FAM117A: variants seen among roughly 807,000 people sequenced by gnomAD.
The protein encoded by FAM117A is family with sequence similarity 117 member A.
Under a neutral mutation model 44.1 loss-of-function variants are expected in FAM117A, and 21 were observed. The ratio of observed to expected loss-of-function variants is 0.48; its 90% CI spans 0.34 to 0.69. The LOEUF is 0.69. Among genes scored for constraint, FAM117A ranks in the 30% least tolerant of loss-of-function variants. The pLI is 0.01. For synonymous variants in FAM117A, 220 were observed against 238.3 expected (o/e 0.92, Z 0.71); for missense variants, 498 against 589.9 (o/e 0.84, Z 1.61).
intron 5 of FAM117A, among the ~76,000 whole-genome samples, chr17:49,719,223 T>C (rs985406435): frequency 4.0e-5 from 6 of 151,050 alleles, no homozygotes; most frequent in Non-Finnish European, 5.9e-5. Context: ...ATCGCGCCAC[T>C]GCACCCCAGC....
chr17:49,716,388 G>T, intron 6 of FAM117A, 73 bp from the exon 7 acceptor site: 1 of 1,352,326 alleles, frequency 7.4e-7, no homozygotes, highest in Non-Finnish European at 9.9e-7. Context: ...CAGGACTGAG[G>T]TGTAAAGTGG....
chr17:49,764,307 G>T (rs931930169), upstream of FAM117A: 1 of 309,918 alleles, frequency 3.2e-6, no homozygotes, highest in Non-Finnish European at 5.9e-6. Context: ...TCCAAGCCAA[G>T]ACCCCACCCT....
At position 49,719,874 on chromosome 17, in the gene FAM117A, G is replaced by C; in HGVS notation, c.594C>G (p.Pro198=). Residue 198 remains proline (P), a synonymous_variant, in exon 5 of 8, where the codon CCC becomes CCG. Transcript: ENST00000240364. The stretch of plus-strand genomic sequence containing the variant: ...TGAGTCGCAAGACAGGGGACCCTGA[G>C]GGGAAGCTGGGAGGGGACGCCTGAG... ...GALRASPPSF[P]SGSPVLRLSP... is the part of the protein sequence containing the mutation. 6.2e-7 allele frequency: 1 copy of C among 1,605,802 alleles called. No individual in the cohort carries two copies. The highest frequency in any genetic ancestry group is 8.5e-7 in the Non-Finnish European group (1 of 1,177,572).
At chr17:49,756,395 A>G (rs527594209) in intron 1 of FAM117A, among the ~76,000 whole-genome samples, 53 of 152,258 alleles carry the variant, frequency 3.5e-4, no homozygotes, top group Non-Finnish European at 6.3e-4. Context: ...ATTTAGGATC[A>G]GATAATAAGA....
intron 1 of FAM117A, among the ~76,000 whole-genome samples, chr17:49,779,038 G>C (rs892587053): frequency 1.3e-5 from 2 of 152,222 alleles, no homozygotes; most frequent in Non-Finnish European, 2.9e-5. Flanking sequence ...ATTCCAGGCA[G>C]AGTAAAGAGC....
At chr17:49,756,934 AGAG>A (rs2073701343) in intron 1 of FAM117A, among the ~76,000 whole-genome samples, 2 of 145,014 alleles carry the variant, frequency 1.4e-5, no homozygotes, top group African/African-American at 2.6e-5. Context: ...AAAAAAAAAA[AGAG>A]AGAGAGAAAG....
intron 1 of FAM117A, among the ~76,000 whole-genome samples, chr17:49,736,413 T>A (rs542194944): frequency 6.6e-6 from 1 of 152,048 alleles, no homozygotes; most frequent in Admixed American, 6.6e-5. Flanking sequence ...CCCACCACCA[T>A]GCCCGGCTAA....
At chr17:49,733,399 C>T (rs1318026866) in intron 1 of FAM117A, among the ~76,000 whole-genome samples, 8 of 152,124 alleles carry the variant, frequency 5.3e-5, no homozygotes, top group Non-Finnish European at 4.4e-5. Context: ...ATTCATAGGC[C>T]GGGTGGTGGT....
At chr17:49,743,115 T>A (rs1410605962) in intron 1 of FAM117A, among the ~76,000 whole-genome samples, 1 of 152,200 alleles carries the variant, frequency 6.6e-6, no homozygotes, top group Non-Finnish European at 1.5e-5. Context: ...TCCTACCCTG[T>A]GTTTTGTTAT....
chr17:49,770,067 C>G (rs2073756426), intron 1 of FAM117A, among the ~76,000 whole-genome samples: 1 of 151,876 alleles, frequency 6.6e-6, no homozygotes, highest in Non-Finnish European at 1.5e-5. Flanking sequence ...GTCAGGAGTT[C>G]GAGACCAGCC....
At position 49,743,683 on chromosome 17, in the gene FAM117A, C is replaced by T. The variant is rs961610637; in HGVS notation, c.197-10963G>A. Among the ~76,000 whole-genome samples, 6 of 151,788 alleles carry T rather than the reference C, an allele frequency of 4.0e-5. No individual in the cohort carries two copies. The East Asian group carries it at 1.2e-3, about 29-fold the overall frequency. ...GGTGGAGCTTGCAGTGAGCCGAGAT[C>T]GTGCCACTGCACTCCAGCCTGGGCA... is the stretch of plus-strand genomic sequence containing the variant. On this transcript the variant is annotated intron_variant, in intron 1 of 7. Transcript: ENST00000240364.
Position 49,711,521 on chromosome 17 carries a change from AG to A in FAM117A, c.1095del (p.Cys366ValfsTer21). On this transcript the variant is annotated frameshift_variant, in exon 8 of 8. Transcript: ENST00000240364. LOFTEE classifies it high-confidence loss of function. ...SPGPDLAFLT[S>X]CPDKNKVHFN... ...AAATGGACTTTGTTCTTGTCAGGAC[AG>A]GAAGTCAGGAAGGCCAGGTCAGGAC... is the stretch of plus-strand genomic sequence containing the variant. 6.2e-7 allele frequency: 1 copy of A among 1,614,122 alleles called. No homozygotes were observed. Among genetic ancestry groups the A allele is most frequent in the Non-Finnish European group, 8.5e-7 (1 of 1,180,036 alleles).
chr17:49,740,440 G>A lies in FAM117A; in HGVS notation c.197-7720C>T, dbSNP rs150660626. On this transcript the variant is annotated intron_variant, in intron 1 of 7. Transcript: ENST00000240364. ...AATTTTTTGTATTTTTAGTAGAGAC[G>A]GGGTTTCACCGTGTTAGCCAGGATG... Among the ~76,000 whole-genome samples the A allele has an allele frequency of 6.0e-3, 909 of 152,174 alleles. 12 individuals carry two copies. The highest frequency in any genetic ancestry group is 0.021 in the African/African-American group (864 of 41,500).
intron 1 of FAM117A, among the ~76,000 whole-genome samples, chr17:49,751,580 A>AAAAT (rs921157833): frequency 2.0e-4 from 30 of 151,982 alleles, no homozygotes; most frequent in South Asian, 6.2e-4. Flanking sequence ...CTCGGTCTCA[A>AAAAT]AAATAAATAA....
In FAM117A at chr17:49,733,070, T is replaced by C. The variant is rs887621372; in HGVS notation, c.197-350A>G. On this transcript the variant is annotated intron_variant, in intron 1 of 7. Transcript: ENST00000240364. ...TGAGAGCAGCACTGTTTCCCATCAT[T>C]AAAGATAAAACTCTAAGTGGATAAA... 10 of 224,248 alleles carry C rather than the reference T, an allele frequency of 4.5e-5. No individual in the cohort carries two copies. In the Admixed American group the frequency reaches 5.0e-4, roughly 11 times the overall value. 13.9% of individuals were successfully genotyped at this position (224,248 alleles called of 1,614,324 possible). A position where few individuals can be genotyped will look rare whatever the true frequency, so the allele number is the denominator to read the frequency against.
intron 1 of FAM117A, among the ~76,000 whole-genome samples, chr17:49,757,830 C>T (rs977766882): frequency 6.6e-6 from 1 of 152,146 alleles, no homozygotes; most frequent in Non-Finnish European, 1.5e-5. Context: ...GGAAACTGAC[C>T]AGATTTCCCA....
chr17:49,754,020 C>A (rs777656819), intron 1 of FAM117A, among the ~76,000 whole-genome samples: 1 of 152,162 alleles, frequency 6.6e-6, no homozygotes, highest in African/African-American at 2.4e-5. Context: ...GGATGTGGTT[C>A]ACATAGCCCT....
At chr17:49,788,576 A>G (rs1246953377) in exon 1 of FAM117A, 7 of 408,202 alleles carry the variant, frequency 1.7e-5, no homozygotes, top group South Asian at 6.3e-5. Flanking sequence ...CACTAGCTTC[A>G]CCAAAAGGAT....
At chr17:49,717,040 AG>A (rs1054468325) in intron 6 of FAM117A, among the ~76,000 whole-genome samples, 14 of 152,274 alleles carry the variant, frequency 9.2e-5, no homozygotes, top group Admixed American at 9.2e-4. Flanking sequence ...AGAAGTAGCT[AG>A]GGCATTGTAG....
Sources: allele counts gnomAD v4.1 joint callset (sites outside exome capture counted in the v4.1 genomes callset), GRCh38; gene constraint gnomAD v4.1.1; transcripts MANE v1.5; gene names NCBI Gene and HGNC (gene_info 2026-07-23, HGNC 2026-07-21).